Variants in ALDH7A1 observed in about 807,000 individuals in gnomAD.
The protein encoded by ALDH7A1 is aldehyde dehydrogenase 7 family member A1.
ALDH7A1 carries 63 observed loss-of-function variants against 79.9 expected under a neutral mutation model. That is an observed-to-expected ratio of 0.79 (90% confidence interval 0.64 to 0.97). The LOEUF is 0.97. Among genes scored for constraint, ALDH7A1 ranks in the 50% least tolerant of loss-of-function variants. The pLI, the probability that ALDH7A1 is intolerant of heterozygous loss-of-function variation, is 0.00. For synonymous variants in ALDH7A1, 240 were observed against 231.2 expected (o/e 1.04, Z -0.34); for missense variants, 627 against 665.2 (o/e 0.94, Z 0.63).
chr5:126,583,310 G>A (rs999777239), intron 4 of ALDH7A1, among the ~76,000 whole-genome samples: 1 of 149,976 alleles, frequency 6.7e-6, no homozygotes, highest in Non-Finnish European at 1.5e-5. Flanking sequence ...GTGAAACTTT[G>A]TCTCTACTAA....
intron 7 of ALDH7A1, among the ~76,000 whole-genome samples, chr5:126,572,517 A>G (rs1750810442): frequency 6.6e-6 from 1 of 152,218 alleles, no homozygotes; most frequent in Admixed American, 6.5e-5. Context: ...ATGTCACCTG[A>G]TAAGTGTCAG....
At chr5:126,564,712 G>T in intron 9 of ALDH7A1, 2 of 470,382 alleles carry the variant, frequency 4.3e-6, no homozygotes, top group East Asian at 7.1e-5. Flanking sequence ...ATGACAGCTT[G>T]CTGGCTATAG....
chr5:126,557,830 A>G (rs7703752), intron 11 of ALDH7A1, among the ~76,000 whole-genome samples: 1 of 151,650 alleles, frequency 6.6e-6, no homozygotes, highest in Non-Finnish European at 1.5e-5. Flanking sequence ...CTTAAAAATA[A>G]TTTTTTTTAA....
In ALDH7A1 at chr5:126,554,413, G is replaced by T. The variant is rs113775968; in HGVS notation, c.1094-20C>A. Reference sequence around the variant, plus strand: ...CATTAGCTGGAGAGAGAAAAGGAAGGCTGGCTCATCATTTTGCCCTTTATG... The same window carrying T: ...CATTAGCTGGAGAGAGAAAAGGAAGTCTGGCTCATCATTTTGCCCTTTATG... On this transcript the variant is annotated intron_variant, in intron 12 of 17. Coordinates refer to ENST00000409134, the MANE Select transcript of ALDH7A1 (RefSeq NM_001182.5). 3.7e-6 allele frequency: 6 copies of T among 1,604,962 alleles called. No individual in the cohort carries two copies. The highest frequency in any genetic ancestry group is 1.1e-5 in the South Asian group (1 of 90,930).
chr5:126,582,778 C>T (rs1018739163), intron 5 of ALDH7A1, 73 bp downstream of exon 5: 1 of 1,568,912 alleles, frequency 6.4e-7, no homozygotes, highest in Non-Finnish European at 8.8e-7. Flanking sequence ...AGTCAATAGC[C>T]AGAGTATTTT....
rs1057520741 is a variant in ALDH7A1, at chr5:126,550,189, G to A, written c.1415+7C>T. The A allele has an allele frequency of 6.2e-7, 1 of 1,611,360 alleles. No individual in the cohort carries two copies. The highest frequency in any genetic ancestry group is 8.5e-7 in the Non-Finnish European group (1 of 1,178,960). The stretch of plus-strand genomic sequence containing the variant: ...TATATAAATTTTCAAAATAGACAAA[G>A]TTGTACCCAAGCCAGCGAAAGATTC... On this transcript the variant is annotated splice_region_variant and intron_variant, in intron 15 of 17. Transcript: ENST00000409134.
At chr5:126,582,647 G>A (rs2112802346) in intron 5 of ALDH7A1, 3 of 644,000 alleles carry the variant, frequency 4.7e-6, no homozygotes, top group African/African-American at 1.8e-5. Flanking sequence ...CCAACATTAA[G>A]TTTTATCTTT....
In ALDH7A1 at chr5:126,578,319, C is replaced by T. The variant is rs1018019711; in HGVS notation, c.518-1108G>A. ...ATAAATAAATAAATAAAATGAATTA[C>T]GCAAATCTTTACATTCACTATAAGA... On this transcript the variant is annotated intron_variant, in intron 5 of 17. Coordinates refer to ENST00000409134, the MANE Select transcript of ALDH7A1 (RefSeq NM_001182.5). 6.0e-5 allele frequency among the ~76,000 whole-genome samples: 9 copies of T among 151,150 alleles called. No homozygotes were observed. The East Asian group carries it at 9.8e-4, about 16-fold the overall frequency.
At chr5:126,549,860 T>C (rs1749927922) in intron 16 of ALDH7A1, 69 bp downstream of exon 16, 1 of 1,431,570 alleles carries the variant, frequency 7.0e-7, no homozygotes, top group Middle Eastern at 1.7e-4. Context: ...TGGTCAGCCT[T>C]TTCTAAAAGC....
intron 16 of ALDH7A1, among the ~76,000 whole-genome samples, chr5:126,547,151 C>T (rs761230415): frequency 6.6e-6 from 1 of 152,242 alleles, no homozygotes; most frequent in Non-Finnish European, 1.5e-5. Flanking sequence ...CAAGGCTGAG[C>T]ACCTGCCTGA....
At chr5:126,547,443 T>C (rs1749827590) in intron 16 of ALDH7A1, among the ~76,000 whole-genome samples, 2 of 152,208 alleles carry the variant, frequency 1.3e-5, no homozygotes, top group Non-Finnish European at 2.9e-5. Flanking sequence ...AGGACCATGC[T>C]CACTATTCTG....
intron 16 of ALDH7A1, among the ~76,000 whole-genome samples, chr5:126,547,071 AAAAC>A (rs148617019): frequency 1.1e-3 from 171 of 152,330 alleles, no homozygotes; most frequent in African/African-American, 3.9e-3. Flanking sequence ...CATTTGAAAT[AAAAC>A]AAACCACAGC....
chr5:126,560,517 T>G (rs1156433590), intron 10 of ALDH7A1, among the ~76,000 whole-genome samples: 2 of 152,168 alleles, frequency 1.3e-5, no homozygotes, highest in East Asian at 3.9e-4. Flanking sequence ...ATATACTTCT[T>G]ATATCTTACA....
intron 3 of ALDH7A1, chr5:126,586,669 A>C (rs1751366756): frequency 6.6e-6 from 1 of 152,280 alleles, no homozygotes; most frequent in Non-Finnish European, 1.5e-5. Context: ...CAAGTTTAGA[A>C]GTTTAGGGCT....
At chr5:126,574,042 A>AAT (rs1259047681) in intron 7 of ALDH7A1, among the ~76,000 whole-genome samples, 1 of 150,720 alleles carries the variant, frequency 6.6e-6, no homozygotes, top group Non-Finnish European at 1.5e-5. Flanking sequence ...AAAAAAAAAA[A>AAT]AAAAGAAAAC....
intron 3 of ALDH7A1, chr5:126,586,944 C>G (rs1055075669): frequency 6.6e-6 from 1 of 151,850 alleles, no homozygotes. Flanking sequence ...AAATTAGCCA[C>G]GCTTGGTACC....
At chr5:126,550,100 T>C in intron 15 of ALDH7A1, 96 bp downstream of exon 15, 2 of 1,547,000 alleles carry the variant, frequency 1.3e-6, no homozygotes, top group South Asian at 1.1e-5. Flanking sequence ...AGGCTTTCAA[T>C]ACTGAAAAAC....
At chr5:126,547,172 C>A (rs1309802706) in intron 16 of ALDH7A1, among the ~76,000 whole-genome samples, 1 of 152,240 alleles carries the variant, frequency 6.6e-6, no homozygotes, top group Non-Finnish European at 1.5e-5. Context: ...GGTTCCGGAG[C>A]TAGTGACAGC....
chr5:126,574,620 G>A (rs1013864652), intron 7 of ALDH7A1, among the ~76,000 whole-genome samples: 7 of 151,598 alleles, frequency 4.6e-5, no homozygotes, highest in South Asian at 4.2e-4. Flanking sequence ...GCGTGAACCC[G>A]GGAGGTGGAG....
Sources: allele counts gnomAD v4.1 joint callset (sites outside exome capture counted in the v4.1 genomes callset), GRCh38; gene constraint gnomAD v4.1.1; transcripts MANE v1.5; gene names NCBI Gene and HGNC (gene_info 2026-07-23, HGNC 2026-07-21).